Variants in YIF1B observed in about 807,000 individuals in gnomAD.
The protein encoded by YIF1B is protein YIF1B.
A neutral mutation model predicts 34.6 loss-of-function variants in YIF1B; 24 were observed. That is an observed-to-expected ratio of 0.69 (90% CI 0.50 to 0.98). The LOEUF is 0.98. Ranked by LOEUF, YIF1B falls within the 50% of genes least tolerant of loss-of-function variation. The pLI, the probability that YIF1B is intolerant of heterozygous loss-of-function variation, is 0.00. For missense variants in YIF1B, 368 were observed against 429.4 expected (o/e 0.86, Z 1.26); for synonymous variants, 186 against 184.8 (o/e 1.01, Z -0.05).
chr19:38,311,954 G>T (rs910022930), intron 1 of YIF1B, among the ~76,000 whole-genome samples: 3 of 150,418 alleles, frequency 2.0e-5, no homozygotes, highest in African/African-American at 7.4e-5. Flanking sequence ...AAAATGAGCT[G>T]GGCATGGTGG....
intron 1 of YIF1B, among the ~76,000 whole-genome samples, chr19:38,314,655 GCT>G (rs1969470764): frequency 8.7e-6 from 1 of 114,400 alleles, no homozygotes; most frequent in South Asian, 2.8e-4. Flanking sequence ...GCGAAGTCTT[GCT>G]CTGTCGCCCA....
chr19:38,307,267 GGAA>G, intron 7 of YIF1B, 158 bp downstream of exon 7: 2 of 706,736 alleles, frequency 2.8e-6, no homozygotes, highest in Admixed American at 5.2e-5. Flanking sequence ...CCCTCTTCCA[GGAA>G]GCCCTCCTGA....
Position 38,304,683 on chromosome 19 carries a change from G to A in YIF1B, c.*669C>T, listed in dbSNP as rs571106008. 29 of 1,613,698 alleles carry A rather than the reference G, an allele frequency of 1.8e-5. No individual in the cohort carries two copies. The African/African-American group carries it at 3.7e-4, about 21-fold the overall frequency. On this transcript the variant is annotated 3_prime_UTR_variant, in exon 8 of 8. Coordinates refer to ENST00000339413, the MANE Select transcript of YIF1B (RefSeq NM_001039672.3). The stretch of plus-strand genomic sequence containing the variant: ...GCTCCAGCGATTCGGACACGGATGT[G>A]AAGGTAAGGGGCTCTCGCCAGCGTC...
In YIF1B at chr19:38,310,700, G is replaced by A. The variant is rs570870803; in HGVS notation, c.59-1057C>T. ...CAATGACTTGGCTCCAGCCACCTGC[G>A]CCTCCCAATGCTCACTGAATGCACC... On this transcript the variant is annotated intron_variant, in intron 1 of 7. Coordinates refer to ENST00000339413, the MANE Select transcript of YIF1B (RefSeq NM_001039672.3). 6.6e-5 allele frequency among the ~76,000 whole-genome samples: 10 copies of A among 152,130 alleles called. No homozygotes were observed. The South Asian group carries it at 1.0e-3, about 16-fold the overall frequency.
chr19:38,320,985 C>A (rs1422217209), upstream of YIF1B, among the ~76,000 whole-genome samples: 1 of 152,164 alleles, frequency 6.6e-6, no homozygotes, highest in East Asian at 1.9e-4. Context: ...ATCCTTGCCC[C>A]CTCTGGACCC....
intron 5 of YIF1B, among the ~76,000 whole-genome samples, chr19:38,308,576 G>C (rs1969164947): frequency 6.6e-6 from 1 of 152,096 alleles, no homozygotes; most frequent in Admixed American, 6.6e-5. Flanking sequence ...GGGTCACCCA[G>C]CACAGGGGAT....
chr19:38,305,535 A>C, intron 7 of YIF1B, 28 bp from the exon 8 acceptor site: 1 of 1,586,552 alleles, frequency 6.3e-7, no homozygotes, highest in South Asian at 1.1e-5. Context: ...AGAGGAACCA[A>C]GGGATTTACC....
chr19:38,315,836 C>A (rs770935728), intron 1 of YIF1B, 24 bp downstream of exon 1: 8 of 1,506,782 alleles, frequency 5.3e-6, no homozygotes, highest in African/African-American at 1.4e-5. Context: ...CCCGCCCGCC[C>A]GATCTCCTCC....
rs775540514 is a variant in YIF1B, at chr19:38,305,327, G to A, written c.*25C>T. 1 of 1,591,778 alleles carries A rather than the reference G, an allele frequency of 6.3e-7. No individual in the cohort carries two copies. Among genetic ancestry groups the A allele is most frequent in the Non-Finnish European group, 8.6e-7 (1 of 1,165,818 alleles). ...ACAGTGGCCCCCAGCAGCAGCAGCAGCAGCGGGAGGTTCAGCGGGCGCGCT... is the reference window on the plus strand; with the variant it reads ...ACAGTGGCCCCCAGCAGCAGCAGCAACAGCGGGAGGTTCAGCGGGCGCGCT... On this transcript the variant is annotated 3_prime_UTR_variant, in exon 8 of 8. Coordinates refer to ENST00000339413, the MANE Select transcript of YIF1B (RefSeq NM_001039672.3).
chr19:38,315,603 C>A, intron 1 of YIF1B: 18 of 1,518,356 alleles, frequency 1.2e-5, no homozygotes, highest in Non-Finnish European at 1.6e-5. Context: ...GGGCGGATCG[C>A]TAACTGCAAA....
intron 1 of YIF1B, chr19:38,315,474 T>C: frequency 7.2e-7 from 1 of 1,388,932 alleles, no homozygotes; most frequent in South Asian, 1.6e-5. Flanking sequence ...ACAGGTTCGC[T>C]TCTTAAATGA....
upstream of YIF1B, chr19:38,320,105 C>G: frequency 6.4e-7 from 1 of 1,568,026 alleles, no homozygotes; most frequent in South Asian, 1.1e-5. Flanking sequence ...CAGCGCAGCC[C>G]GTGTGTGGCT....
chr19:38,308,941 A>G (rs1451155078), intron 4 of YIF1B, 38 bp downstream of exon 4: 118 of 1,612,624 alleles, frequency 7.3e-5, no homozygotes, highest in Non-Finnish European at 1.1e-5. Context: ...ATAGGCCCGG[A>G]AGAGAGAGGA....
chr19:38,308,330 C>T (rs947319312), intron 5 of YIF1B, among the ~76,000 whole-genome samples: 9 of 152,018 alleles, frequency 5.9e-5, no homozygotes, highest in African/African-American at 1.9e-4. Context: ...TGCCAGCCCT[C>T]CCAAGGAAAG....
rs1472977312 is a variant in YIF1B, at chr19:38,315,849, C to G, written c.58+11G>C. On this transcript the variant is annotated intron_variant, in intron 1 of 7. Coordinates refer to ENST00000339413, the MANE Select transcript of YIF1B (RefSeq NM_001039672.3). Reference sequence around the variant, plus strand: ...CCCCCGCCCGCCCGATCTCCTCCGCCGGCCACGTACGCCACTTACGCAGCC... The same window carrying G: ...CCCCCGCCCGCCCGATCTCCTCCGCGGGCCACGTACGCCACTTACGCAGCC... 4.0e-6 allele frequency: 6 copies of G among 1,504,034 alleles called. No individual in the cohort carries two copies. Among genetic ancestry groups the G allele is most frequent in the Admixed American group, 2.2e-5 (1 of 45,064 alleles). 93.2% of individuals were successfully genotyped at this position (1,504,034 alleles called of 1,614,324 possible).
rs755710469 is a variant in YIF1B at position 38,307,713 on chromosome 19, G to C, written c.579C>G (p.Ala193=). The part of the protein sequence containing the change: ...PDLLGLQASS[A]LAWLTLEVLA... ...GCACCTCCAGGGTCAGCCAGGCCAG[G>C]GCTGAGCTCGCTTGCAGCCCCAGGA... The change falls in exon 6 of 8, where the codon GCC becomes GCG. Residue 193 remains alanine, a synonymous_variant. Transcript: ENST00000339413. 2.5e-6 allele frequency: 4 copies of C among 1,613,278 alleles called. No individual in the cohort carries two copies. In the South Asian group the frequency reaches 4.4e-5, roughly 18 times the overall value.
rs1422375087 is a variant in YIF1B at position 38,307,747 on chromosome 19, G to C, written c.545C>G (p.Ser182Cys). 1 of 1,612,222 alleles carries C rather than the reference G, an allele frequency of 6.2e-7. No homozygotes were observed. Among genetic ancestry groups the C allele is most frequent in the Non-Finnish European group, 8.5e-7 (1 of 1,179,668 alleles). ...CGCTTGCAGCCCCAGGAGGTCTGGG[G>C]AGAACCTGCAGGCACAAAGCCCCGC... ...GLALGTQDRF[S>C]PDLLGLQASS... Residue 182 changes from serine (S) to cysteine (C), a missense_variant, in exon 6 of 8, where the codon TCC becomes TGC. Physicochemically the swap from Ser to Cys is moderately radical, Grantham distance 112. Transcript: ENST00000339413.
chr19:38,318,238 TTGGCTTCCTGC>T (rs1969605901), upstream of YIF1B, among the ~76,000 whole-genome samples: 1 of 149,044 alleles, frequency 6.7e-6, no homozygotes, highest in African/African-American at 2.5e-5. Flanking sequence ...CATTAGTTCA[TTGGCTTCCTGC>T]TGGCCTCATG....
chr19:38,319,985 C>A, upstream of YIF1B: 1 of 1,472,494 alleles, frequency 6.8e-7, no homozygotes, highest in South Asian at 1.3e-5. Context: ...GGCGCCTTGG[C>A]CGCGTACGCC....
Sources: allele counts gnomAD v4.1 joint callset (sites outside exome capture counted in the v4.1 genomes callset), GRCh38; gene constraint gnomAD v4.1.1; transcripts MANE v1.5; gene names NCBI Gene and HGNC (gene_info 2026-07-23, HGNC 2026-07-21).